Variants in POM121C observed in about 807,000 individuals in gnomAD.
POM121C encodes nuclear envelope pore membrane protein POM 121C.
A neutral mutation model predicts 66.4 loss-of-function variants in POM121C; 20 were observed. The observed-to-expected ratio is 0.30, with a 90% CI of 0.21 to 0.44. The LOEUF (loss-of-function observed/expected upper bound fraction) is 0.44, where lower values mean the gene tolerates loss of function less well. POM121C is among the 20% of genes least tolerant of loss of function. The pLI is 1.00. For missense variants in POM121C, 580 were observed against 1,225.7 expected (o/e 0.47, Z 7.87); for synonymous variants, 286 against 528.0 (o/e 0.54, Z 6.28).
At chr7:75,434,729 T>C (rs1790340464) in intron 7 of POM121C, among the ~76,000 whole-genome samples, 1 of 151,944 alleles carries the variant, frequency 6.6e-6, no homozygotes, top group Non-Finnish European at 1.5e-5. Context: ...ATTACAGGCG[T>C]GCACCACCAT....
Position 75,424,625 on chromosome 7 carries a change from G to GAGGCTACCAA in POM121C, c.769-7_771dup (p.Pro258LeufsTer37), listed in dbSNP as rs782666350. ...ATCGAATAGCCAAGCTGGGGAGGTGGAGGCTACCAAAGAGAAAAAGAAGAA... is the reference window on the plus strand; with the variant it reads ...ATCGAATAGCCAAGCTGGGGAGGTGGAGGCTACCAAAGGCTACCAAAGAGAAAAAGAAGAA... On this transcript the variant is annotated frameshift_variant, in exon 11 of 15. Coordinates refer to ENST00000615331, the MANE Select transcript of POM121C (RefSeq NM_001099415.3). LOFTEE classifies it high-confidence loss of function. The GAGGCTACCAA allele has an allele frequency of 6.2e-7, 1 of 1,613,858 alleles. No homozygotes were observed. Among genetic ancestry groups the GAGGCTACCAA allele is most frequent in the African/African-American group, 1.3e-5 (1 of 75,004 alleles).
intron 3 of POM121C, chr7:75,442,296 C>A (rs1554474162): frequency 6.9e-7 from 1 of 1,445,594 alleles, no homozygotes; most frequent in South Asian, 1.4e-5. Context: ...AGGTCCTGGC[C>A]CTCCGGAGCG....
At chr7:75,430,779 T>C (rs1790139088) in intron 7 of POM121C, among the ~76,000 whole-genome samples, 1 of 152,012 alleles carries the variant, frequency 6.6e-6, no homozygotes, top group Non-Finnish European at 1.5e-5. Context: ...GACAACTTAG[T>C]AGAAAAGAGC....
intron 3 of POM121C, among the ~76,000 whole-genome samples, chr7:75,449,290 T>C (rs1338600982): frequency 1.8e-4 from 26 of 147,728 alleles, no homozygotes; most frequent in Non-Finnish European, 3.5e-4. Flanking sequence ...CTCAAAAACA[T>C]TGCAAGGCAA....
At chr7:75,438,912 T>C (rs765791984) in intron 6 of POM121C, among the ~76,000 whole-genome samples, 70 of 152,244 alleles carry the variant, frequency 4.6e-4, no homozygotes, top group Non-Finnish European at 8.4e-4. Flanking sequence ...AATATATTTA[T>C]AAAACCTCTA....
chr7:75,428,354 G>A (rs1790041594), intron 7 of POM121C, among the ~76,000 whole-genome samples: 1 of 152,122 alleles, frequency 6.6e-6, no homozygotes, highest in South Asian at 2.1e-4. Flanking sequence ...TGGCCAGGAT[G>A]GTCTTGATCT....
Position 75,424,176 on chromosome 7 carries a change from T to C in POM121C, c.921A>G (p.Ser307=), listed in dbSNP as rs1554471346. Residue 307 remains serine (S), a synonymous_variant, in exon 12 of 15, where the codon TCA becomes TCG. Transcript: ENST00000615331. ...VTETPPTTQP[S]FTFTLPAAAT... is the part of the protein sequence containing the mutation. ...CAGCAGCAGGCAGGGTAAAGGTAAA[T>C]GAAGGCTGAGTGGTAGGTGGGGTCT... The C allele has an allele frequency of 6.2e-7, 1 of 1,611,752 alleles. No individual in the cohort carries two copies. Among genetic ancestry groups the C allele is most frequent in the Admixed American group, 1.7e-5 (1 of 59,986 alleles).
chr7:75,442,734 G>T (rs1343748302), intron 3 of POM121C: 23 of 1,351,834 alleles, frequency 1.7e-5, no homozygotes, highest in Non-Finnish European at 2.0e-5. Flanking sequence ...GCTCCGCGCC[G>T]CGGAGGAGAC....
chr7:75,420,251 C>G (rs2116319134), intron 13 of POM121C: 1 of 152,514 alleles, frequency 6.6e-6, no homozygotes. Context: ...CCTGCCACCA[C>G]TCCTGCAGCC....
chr7:75,463,742 G>A (rs2116489003), intron 3 of POM121C, among the ~76,000 whole-genome samples: 1 of 152,210 alleles, frequency 6.6e-6, no homozygotes, highest in South Asian at 2.1e-4. Flanking sequence ...ATCCAGACTG[G>A]AGGGCAGTGG....
intron 3 of POM121C, among the ~76,000 whole-genome samples, chr7:75,465,670 T>C (rs1454945535): frequency 6.6e-6 from 1 of 150,818 alleles, no homozygotes; most frequent in African/African-American, 2.4e-5. Context: ...GGAGAGTCGC[T>C]TGTACCTGGG....
intron 1 of POM121C, among the ~76,000 whole-genome samples, chr7:75,485,600 G>A (rs1792499979): frequency 6.6e-6 from 1 of 152,178 alleles, no homozygotes; most frequent in African/African-American, 2.4e-5. Context: ...AGAGGAGGAG[G>A]AAGGACTGTT....
chr7:75,431,003 G>A (rs1235818540), intron 7 of POM121C, among the ~76,000 whole-genome samples: 14 of 149,970 alleles, frequency 9.3e-5, no homozygotes, highest in Admixed American at 2.7e-4. Context: ...GTGAACCCGG[G>A]AGGCGGAGCT....
At chr7:75,456,738 A>G (rs1636636) in intron 3 of POM121C, among the ~76,000 whole-genome samples, 1 of 152,398 alleles carries the variant, frequency 6.6e-6, no homozygotes, top group Admixed American at 6.5e-5. Context: ...GTAACACCCT[A>G]AAAGTTATCA....
intron 3 of POM121C, among the ~76,000 whole-genome samples, chr7:75,461,174 T>C (rs1450629745): frequency 1.3e-5 from 2 of 152,002 alleles, no homozygotes; most frequent in African/African-American, 4.8e-5. Flanking sequence ...CATTACATTG[T>C]AACACTTAAA....
At chr7:75,424,738 C>G in intron 10 of POM121C, 110 bp from the exon 11 acceptor site, 5 of 1,444,644 alleles carry the variant, frequency 3.5e-6, no homozygotes, top group Non-Finnish European at 4.9e-6. Context: ...CCAGCTGGAT[C>G]ACTTGAGGTC....
At chr7:75,435,021 T>C (rs1461484515) in intron 7 of POM121C, among the ~76,000 whole-genome samples, 1 of 152,130 alleles carries the variant, frequency 6.6e-6, no homozygotes, top group Non-Finnish European at 1.5e-5. Flanking sequence ...GATTTAACAA[T>C]ACCCAGCAAA....
chr7:75,484,530 A>G (rs1314853953), intron 1 of POM121C, among the ~76,000 whole-genome samples: 1 of 152,114 alleles, frequency 6.6e-6, no homozygotes, highest in Non-Finnish European at 1.5e-5. Context: ...TTAGCCAGGC[A>G]TAGAGTCACA....
intron 11 of POM121C, 141 bp downstream of exon 11, chr7:75,424,385 T>G: frequency 1.5e-6 from 2 of 1,290,522 alleles, no homozygotes; most frequent in South Asian, 2.7e-5. Context: ...CACGGATATC[T>G]CAGGTGAGAA....
Sources: gnomAD v4.1 joint callset for allele counts (sites outside exome capture counted in the v4.1 genomes callset) on GRCh38, gnomAD v4.1.1 for gene constraint, MANE v1.5 for transcripts, NCBI Gene and HGNC (gene_info 2026-07-23, HGNC 2026-07-21) for gene names.